The following SCHIP1 variants were observed in gnomAD, a reference collection of about 807,000 sequenced individuals.
The protein encoded by SCHIP1 is schwannomin interacting protein 1.
A neutral mutation model predicts 29.7 loss-of-function variants in SCHIP1; 8 were observed. The observed-to-expected ratio is 0.27, with a 90% CI of 0.16 to 0.49. The LOEUF is 0.49. Ranked by LOEUF, SCHIP1 falls within the 20% of genes least tolerant of loss-of-function variation. The pLI is 0.99. For missense variants in SCHIP1, 193 were observed against 294.6 expected (o/e 0.66, Z 2.52); for synonymous variants, 76 against 94.9 (o/e 0.80, Z 1.16).
At chr3:159,418,562 A>C in the SCHIP1 span, among the ~76,000 whole-genome samples, 1 of 152,234 alleles carries the variant, frequency 6.6e-6, no homozygotes, top group African/African-American at 2.4e-5. Flanking sequence ...TCTAAATTTT[A>C]CTAACATTAT....
At chr3:159,455,920 A>G in the SCHIP1 span, among the ~76,000 whole-genome samples, 3 of 152,170 alleles carry the variant, frequency 2.0e-5, no homozygotes, top group South Asian at 6.2e-4. Flanking sequence ...GCCTTAATGA[A>G]GGAAGAGATG....
At chr3:159,553,262 G>GACATGGAAAA in the SCHIP1 span, among the ~76,000 whole-genome samples, 1 of 120,068 alleles carries the variant, frequency 8.3e-6, no homozygotes, top group Admixed American at 8.0e-5. Flanking sequence ...AAATGGAAAA[G>GACATGGAAAA]GTTAAAAAAA....
chr3:159,423,227 C>G, the SCHIP1 span, among the ~76,000 whole-genome samples: 1 of 152,196 alleles, frequency 6.6e-6, no homozygotes, highest in Admixed American at 6.5e-5. Flanking sequence ...GTGCAGCGCA[C>G]CATGCGCAAG....
the SCHIP1 span, among the ~76,000 whole-genome samples, chr3:159,753,559 C>G: frequency 2.6e-5 from 4 of 152,146 alleles, no homozygotes; most frequent in Non-Finnish European, 5.9e-5. Context: ...TTCTATTTCT[C>G]TCTGTCTTCC....
the SCHIP1 span, among the ~76,000 whole-genome samples, chr3:159,644,822 T>C: frequency 6.6e-6 from 1 of 152,072 alleles, no homozygotes. Context: ...AAAGAGACTA[T>C]CAGTCAAAAA....
At chr3:159,336,022 C>T in the SCHIP1 span, among the ~76,000 whole-genome samples, 1 of 152,182 alleles carries the variant, frequency 6.6e-6, no homozygotes, top group Non-Finnish European at 1.5e-5. Flanking sequence ...CTTGACTTTT[C>T]AATGATCACC....
At chr3:159,431,704 G>A in the SCHIP1 span, among the ~76,000 whole-genome samples, 1 of 151,872 alleles carries the variant, frequency 6.6e-6, no homozygotes, top group Non-Finnish European at 1.5e-5. Flanking sequence ...AGCTACTCGG[G>A]AGGCTGAGAC....
the SCHIP1 span, among the ~76,000 whole-genome samples, chr3:159,623,627 AAAT>A: frequency 6.6e-6 from 1 of 152,040 alleles, no homozygotes; most frequent in Non-Finnish European, 1.5e-5. Context: ...CTCCATCTCT[AAAT>A]AAATAAATAA....
chr3:159,708,999 T>C, the SCHIP1 span, among the ~76,000 whole-genome samples: 1 of 152,142 alleles, frequency 6.6e-6, no homozygotes, highest in Non-Finnish European at 1.5e-5. Context: ...ACAGGGAGCC[T>C]GGGTCATGTG....
chr3:159,672,592 A>G, the SCHIP1 span, among the ~76,000 whole-genome samples: 2 of 152,168 alleles, frequency 1.3e-5, no homozygotes, highest in Admixed American at 6.5e-5. Context: ...GTCATACTTG[A>G]TGGGTATTCT....
At chr3:159,429,630 C>T in the SCHIP1 span, among the ~76,000 whole-genome samples, 1 of 152,198 alleles carries the variant, frequency 6.6e-6, no homozygotes, top group East Asian at 1.9e-4. Flanking sequence ...TGTTTCCCCA[C>T]CTTTTCTCCC....
chr3:159,739,611 G>T, the SCHIP1 span, among the ~76,000 whole-genome samples: 1 of 152,022 alleles, frequency 6.6e-6, no homozygotes, highest in East Asian at 1.9e-4. Context: ...GAATTTTGTG[G>T]CACCAAATTA....
the SCHIP1 span, among the ~76,000 whole-genome samples, chr3:159,393,022 G>A: frequency 6.6e-6 from 1 of 152,246 alleles, no homozygotes. Flanking sequence ...GTGTGAGATG[G>A]TATCTCATTG....
rs551326898 is a variant in SCHIP1 at position 159,854,779 on chromosome 3, A to T, written c.31-11384A>T. On this transcript the variant is annotated intron_variant, in intron 1 of 6. Coordinates refer to ENST00000445224, the Ensembl canonical transcript of SCHIP1. ...TGTCAGACCATTTCTCAGATAGAAG[A>T]GGATAGGTCAGTTTGCACTTAGGAA... 3.7e-4 allele frequency among the ~76,000 whole-genome samples: 56 copies of T among 152,316 alleles called. No individual in the cohort carries two copies. In the Middle Eastern group the frequency reaches 0.01, roughly 28 times the overall value.
At chr3:159,662,596 T>C in the SCHIP1 span, among the ~76,000 whole-genome samples, 4 of 152,266 alleles carry the variant, frequency 2.6e-5, no homozygotes, top group African/African-American at 9.6e-5. Context: ...TCTGTGTGTA[T>C]GCTTTTAAAA....
At chr3:159,312,861 C>A in the SCHIP1 span, among the ~76,000 whole-genome samples, 6,361 of 152,202 alleles carry the variant, frequency 0.042, 434 homozygotes, top group African/African-American at 0.15. Flanking sequence ...AGGATAAACA[C>A]CATGGCTGGC....
chr3:159,366,937 G>A, the SCHIP1 span, among the ~76,000 whole-genome samples: 1 of 152,094 alleles, frequency 6.6e-6, no homozygotes, highest in Non-Finnish European at 1.5e-5. Context: ...ATATTTCAAT[G>A]CCCCTGGAAA....
intron 2 of SCHIP1, among the ~76,000 whole-genome samples, chr3:159,872,314 C>T (rs1332572179): frequency 6.6e-6 from 1 of 152,120 alleles, no homozygotes; most frequent in African/African-American, 2.4e-5. Context: ...TGGCAGTCCT[C>T]CTTTGGTTCA....
the SCHIP1 span, among the ~76,000 whole-genome samples, chr3:159,372,867 C>CAACA: frequency 1.3e-5 from 2 of 152,028 alleles, no homozygotes; most frequent in African/African-American, 4.8e-5. Flanking sequence ...GCTTTCATTA[C>CAACA]AACAGCAAAG....
Sources: allele counts gnomAD v4.1 joint callset (sites outside exome capture counted in the v4.1 genomes callset), GRCh38; gene constraint gnomAD v4.1.1; transcripts MANE v1.5; gene names NCBI Gene and HGNC (gene_info 2026-07-23, HGNC 2026-07-21).